The following ACIN1 variants were observed in gnomAD, a reference collection of about 807,000 sequenced individuals.
ACIN1 encodes the protein apoptotic chromatin condensation inducer 1.
Under a neutral mutation model 146.6 loss-of-function variants are expected in ACIN1, and 16 were observed. The ratio of observed to expected loss-of-function variants is 0.11; its 90% CI spans 0.07 to 0.17. ACIN1 has a LOEUF of 0.17. Ranked by LOEUF, ACIN1 falls within the 10% of genes least tolerant of loss-of-function variation. The pLI is 1.00. For synonymous variants in ACIN1, 569 were observed against 582.7 expected (o/e 0.98, Z 0.34); for missense variants, 1,357 against 1,609.3 (o/e 0.84, Z 2.68).
intron 2 of ACIN1, among the ~76,000 whole-genome samples, chr14:23,092,366 G>C (rs897632748): frequency 6.0e-5 from 6 of 99,710 alleles, no homozygotes; most frequent in Non-Finnish European, 1.3e-4. Context: ...AGGCATGTTT[G>C]CTGCACAAAC....
intron 2 of ACIN1, among the ~76,000 whole-genome samples, chr14:23,092,792 T>C (rs556373928): frequency 1.3e-5 from 2 of 152,274 alleles, no homozygotes; most frequent in South Asian, 4.1e-4. Context: ...TCTAATCTAG[T>C]TTAAGAGAGG....
Position 23,058,782 on chromosome 14 carries a change from C to G in ACIN1, c.*366G>C, listed in dbSNP as rs1415850888. 2 of 288,044 alleles carry G rather than the reference C, an allele frequency of 6.9e-6. No individual in the cohort carries two copies. The highest frequency in any genetic ancestry group is 6.2e-5 in the South Asian group (1 of 16,252). 17.8% of individuals were successfully genotyped at this position (288,044 alleles called of 1,614,324 possible). On this transcript the variant is annotated 3_prime_UTR_variant, in exon 19 of 19. Coordinates refer to ENST00000605057, the MANE Select transcript of ACIN1 (RefSeq NM_001386863.1). ...AGCTCATAGGTGACCCAGTCCTGGC[C>G]CCGGCTGTTCCCAAGAGAAGGCTGT...
rs2047907499 is a variant in ACIN1 at position 23,080,226 on chromosome 14, G to A, written c.1109C>T (p.Pro370Leu). The change falls in exon 6 of 19, where the codon CCT (proline) becomes CTT (leucine). Residue 370 changes from proline (P) to leucine (L), a missense_variant. Transcript: ENST00000605057. ...TTCTTCGCTATGGAGCTGTGGATGAGGTGGTGGAGAAGATGCTTCCTTTGT... is the reference window on the plus strand; with the variant it reads ...TTCTTCGCTATGGAGCTGTGGATGAAGTGGTGGAGAAGATGCTTCCTTTGT... ...LLTKEASSPPPHPQLHSEEEI... is the reference protein window; with the variant it reads ...LLTKEASSPPLHPQLHSEEEI... The A allele has an allele frequency of 6.2e-7, 1 of 1,614,226 alleles. No individual in the cohort carries two copies. Among genetic ancestry groups the A allele is most frequent in the Non-Finnish European group, 8.5e-7 (1 of 1,180,034 alleles).
intron 5 of ACIN1, 34 bp from the exon 6 acceptor site, chr14:23,080,843 A>G (rs2047926028): frequency 6.4e-7 from 1 of 1,555,106 alleles, no homozygotes; most frequent in African/African-American, 1.4e-5. Context: ...CTCCAAATGT[A>G]TTTGCTCACA....
intron 8 of ACIN1, among the ~76,000 whole-genome samples, chr14:23,075,094 G>C (rs2047764192): frequency 6.6e-6 from 1 of 152,116 alleles, no homozygotes; most frequent in Non-Finnish European, 1.5e-5. Context: ...GGCATTGTAT[G>C]TCCCCTGGGG....
chr14:23,092,674 T>G (rs1257833057), intron 2 of ACIN1, among the ~76,000 whole-genome samples: 1 of 152,210 alleles, frequency 6.6e-6, no homozygotes, highest in African/African-American at 2.4e-5. Flanking sequence ...AGGGGATTTT[T>G]AAAAGCTGAA....
At chr14:23,061,892 T>G (rs2047297720) in intron 16 of ACIN1, among the ~76,000 whole-genome samples, 1 of 145,056 alleles carries the variant, frequency 6.9e-6, no homozygotes. Flanking sequence ...GAGAATGGCG[T>G]GAACCCGGAA....
At chr14:23,091,668 G>A (rs2048232408) in intron 2 of ACIN1, among the ~76,000 whole-genome samples, 1 of 147,866 alleles carries the variant, frequency 6.8e-6, no homozygotes, top group African/African-American at 2.5e-5. Context: ...CTGTCATCCA[G>A]GCTGGAGAGC....
chr14:23,058,809 A>G lies in ACIN1; in HGVS notation c.*339T>C. On this transcript the variant is annotated 3_prime_UTR_variant, in exon 19 of 19. Coordinates refer to ENST00000605057, the MANE Select transcript of ACIN1 (RefSeq NM_001386863.1). ...CGGCTGTTCCCAAGAGAAGGCTGTAAGTACCCAGGGAGGTGGTAAGCAGGA... is the reference window on the plus strand; with the variant it reads ...CGGCTGTTCCCAAGAGAAGGCTGTAGGTACCCAGGGAGGTGGTAAGCAGGA... 1 of 331,446 alleles carries G rather than the reference A, an allele frequency of 3.0e-6. No homozygotes were observed. Among genetic ancestry groups the G allele is most frequent in the South Asian group, 5.0e-5 (1 of 19,946 alleles). 20.5% of individuals were successfully genotyped at this position (331,446 alleles called of 1,614,324 possible). A position where few individuals can be genotyped will look rare whatever the true frequency, so the allele number is the denominator to read the frequency against.
At position 23,080,452 on chromosome 14, in the gene ACIN1, C is replaced by A; in HGVS notation, c.883G>T (p.Ala295Ser). 1 of 1,614,144 alleles carries A rather than the reference C, an allele frequency of 6.2e-7. No individual in the cohort carries two copies. The highest frequency in any genetic ancestry group is 1.1e-5 in the South Asian group (1 of 91,078). Residue 295 changes from alanine to serine, a missense_variant, in exon 6 of 19, where the codon GCC becomes TCC. This residue lies in a region of ACIN1 where 771 missense variants were observed against 746.6 expected (regional missense o/e 1.03). Coordinates refer to ENST00000605057, the MANE Select transcript of ACIN1 (RefSeq NM_001386863.1). ...ATTTCCTTCTCCTGCTGCTGTCTGG[C>A]CAGATGACTTTTTCTAGCCTCTTCC... ...SQEEARKSHLARQQQEKEMKT... is the reference protein window; with the variant it reads ...SQEEARKSHLSRQQQEKEMKT...
chr14:23,084,878 T>C (rs933745491), intron 4 of ACIN1, among the ~76,000 whole-genome samples: 1 of 152,170 alleles, frequency 6.6e-6, no homozygotes, highest in African/African-American at 2.4e-5. Context: ...GAAATACTCA[T>C]TTCATAATTC....
chr14:23,070,507 C>T (rs1412531234), intron 8 of ACIN1, among the ~76,000 whole-genome samples: 1 of 152,098 alleles, frequency 6.6e-6, no homozygotes, highest in African/African-American at 2.4e-5. Flanking sequence ...AACCCACTCT[C>T]CCACTCTTAA....
rs573314122 is a variant in ACIN1 at position 23,076,315 on chromosome 14, T to C, written c.2123+1836A>G. 3.9e-5 allele frequency among the ~76,000 whole-genome samples: 6 copies of C among 152,336 alleles called. No individual in the cohort carries two copies. In the East Asian group the frequency reaches 9.6e-4, roughly 24 times the overall value. On this transcript the variant is annotated intron_variant, in intron 8 of 18. Coordinates refer to ENST00000605057, the MANE Select transcript of ACIN1 (RefSeq NM_001386863.1). The stretch of plus-strand genomic sequence containing the variant: ...GTGTGAACTGCTCCTCAGTGAAGAC[T>C]GCATTTCCCTTCTATACACTACTCC...
intron 10 of ACIN1, among the ~76,000 whole-genome samples, 193 bp downstream of exon 10, chr14:23,065,773 G>C (rs537065610): frequency 6.6e-6 from 1 of 152,200 alleles, no homozygotes; most frequent in African/African-American, 2.4e-5. Context: ...GGAGCAATAT[G>C]ATGGGGATTG....
At chr14:23,063,207 A>G in intron 13 of ACIN1, 133 bp from the exon 14 acceptor site, 1 of 1,163,346 alleles carries the variant, frequency 8.6e-7, no homozygotes. Context: ...CAGAGCACCT[A>G]TAATCTGCAA....
chr14:23,077,960 C>T (rs2047842776), intron 8 of ACIN1, 191 bp downstream of exon 8: 1 of 451,592 alleles, frequency 2.2e-6, no homozygotes. Context: ...GCCCTGACGA[C>T]CACTTTTCAG....
Position 23,059,389 on chromosome 14 carries a change from T to G in ACIN1, c.3611A>C (p.Glu1204Ala). 3 of 1,613,782 alleles carry G rather than the reference T, an allele frequency of 1.9e-6. No homozygotes were observed. The highest frequency in any genetic ancestry group is 2.5e-6 in the Non-Finnish European group (3 of 1,179,862). ...TTCCCGCTCGGCTTCCTTCTCCCGC[T>G]CCTTTTGCTCTTCTTCTTCTTGCTC... is the stretch of plus-strand genomic sequence containing the variant. ...RKEQEEEEQK[E>A]REKEAERERN... The change falls in exon 19 of 19, where the codon GAG becomes GCG. Residue 1204 changes from glutamate (E) to alanine (A), a missense_variant. Glu to Ala is a moderately radical substitution (Grantham distance 107, BLOSUM62 -1). Around this residue, in one of 4 missense-constraint regions of ACIN1, gnomAD observed 509 missense variants for 719.6 expected, o/e 0.71. Transcript: ENST00000605057.
rs1236059052 is a variant in ACIN1, at chr14:23,061,550, G to A, written c.3172C>T (p.Pro1058Ser). 6.3e-7 allele frequency: 1 copy of A among 1,583,390 alleles called. No individual in the cohort carries two copies. The highest frequency in any genetic ancestry group is 1.3e-5 in the African/African-American group (1 of 74,376). Residue 1058 changes from proline to serine, a missense_variant, in exon 17 of 19, where the codon CCC (proline) becomes TCC (serine). By Grantham distance (74) the Pro-to-Ser change is moderately conservative. This residue lies in a region of ACIN1 where 509 missense variants were observed against 719.6 expected (regional missense o/e 0.71). Coordinates refer to ENST00000605057, the MANE Select transcript of ACIN1 (RefSeq NM_001386863.1). Reference sequence around the variant, plus strand: ...GGGGGTGGGGGTGGGGGGTGCAGGGGCCGTGGTATTCCCTGCTCCTCTGTC... The same window carrying A: ...GGGGGTGGGGGTGGGGGGTGCAGGGACCGTGGTATTCCCTGCTCCTCTGTC... The part of the protein sequence containing the change: ...TKTEEQGIPR[P>S]LHPPPPPPVQ...
chr14:23,094,449 T>C, intron 1 of ACIN1: 1 of 984,942 alleles, frequency 1.0e-6, no homozygotes, highest in Non-Finnish European at 1.2e-6. Flanking sequence ...TAGAGACCTC[T>C]CTCTCATCAA....
Sources: allele counts gnomAD v4.1 joint callset (sites outside exome capture counted in the v4.1 genomes callset), GRCh38; gene constraint gnomAD v4.1.1; regional missense constraint gnomAD v4.1.1; transcripts MANE v1.5; gene names NCBI Gene and HGNC (gene_info 2026-07-23, HGNC 2026-07-21).